NCOA1: variants seen among roughly 807,000 people sequenced by gnomAD.
NCOA1 encodes the protein nuclear receptor coactivator 1, also known as Hin-2 protein.
NCOA1 carries 35 observed loss-of-function variants against 150.9 expected under a neutral mutation model. The observed-to-expected ratio is 0.23, with a 90% CI of 0.18 to 0.31. The LOEUF is 0.31. Ranked by LOEUF, NCOA1 falls within the 10% of genes least tolerant of loss-of-function variation. NCOA1 has a pLI of 1.00. For synonymous variants in NCOA1, 590 were observed against 630.0 expected, an observed-to-expected ratio of 0.94 and a Z score of 0.95; for missense variants, 1,491 against 1,749.3, an observed-to-expected ratio of 0.85 and a Z score of 2.63.
chr2:24,684,214 A>G (rs537230452), intron 8 of NCOA1, among the ~76,000 whole-genome samples: 49 of 152,324 alleles, frequency 3.2e-4, no homozygotes, highest in African/African-American at 1.2e-3. Flanking sequence ...TTTGAGGACT[A>G]CTGGTGTATG....
In NCOA1 at chr2:24,565,229, G is replaced by C. The variant is rs544351302; in HGVS notation, c.-260+799G>C. ...TCAACAGAAAGCAAAAACAAAAATA[G>C]TTCTGTTTTCACATGAATTCCAAAC... On this transcript the variant is annotated intron_variant, in intron 2 of 22. Transcript: ENST00000348332. Among the ~76,000 whole-genome samples the C allele has an allele frequency of 2.6e-5, 4 of 152,302 alleles. No individual in the cohort carries two copies. In the South Asian group the frequency reaches 8.3e-4, roughly 32 times the overall value.
intron 3 of NCOA1, among the ~76,000 whole-genome samples, chr2:24,599,986 C>T (rs1668043701): frequency 6.6e-6 from 1 of 152,168 alleles, no homozygotes; most frequent in Admixed American, 6.5e-5. Context: ...CCGCCTCCGC[C>T]TCCCAAACTG....
chr2:24,586,212 C>G (rs1382536605), intron 3 of NCOA1, among the ~76,000 whole-genome samples: 3 of 139,602 alleles, frequency 2.1e-5, no homozygotes, highest in Admixed American at 8.1e-5. Flanking sequence ...GGAGGCGGAG[C>G]TTGCAAAGAG....
chr2:24,547,769 A>G (rs1665660783), intron 1 of NCOA1, among the ~76,000 whole-genome samples: 2 of 152,132 alleles, frequency 1.3e-5, no homozygotes, highest in South Asian at 4.1e-4. Context: ...TGGGCGGATC[A>G]TGAGCTCAGG....
chr2:24,706,462 T>G, intron 12 of NCOA1, 106 bp from the exon 13 acceptor site: 1 of 1,268,284 alleles, frequency 7.9e-7, no homozygotes. Context: ...CTTGATAGCT[T>G]GCAATATTAA....
intron 1 of NCOA1, among the ~76,000 whole-genome samples, chr2:24,540,138 T>C (rs116708799): frequency 0.021 from 3,228 of 152,108 alleles, 51 homozygotes; most frequent in Non-Finnish European, 0.032. Context: ...TGTAACAGAA[T>C]CCCAAGTACA....
intron 1 of NCOA1, among the ~76,000 whole-genome samples, chr2:24,519,995 G>A (rs1394904585): frequency 1.3e-5 from 2 of 152,130 alleles, no homozygotes; most frequent in Non-Finnish European, 2.9e-5. Flanking sequence ...CACAGATGAT[G>A]GATGAACACA....
At chr2:24,651,603 A>G (rs563578709) in intron 4 of NCOA1, among the ~76,000 whole-genome samples, 13 of 152,222 alleles carry the variant, frequency 8.5e-5, no homozygotes, top group African/African-American at 3.1e-4. Flanking sequence ...ATTTACAATA[A>G]TAATATAACC....
chr2:24,565,103 A>G (rs1336803235), intron 2 of NCOA1, among the ~76,000 whole-genome samples: 1 of 152,244 alleles, frequency 6.6e-6, no homozygotes, highest in East Asian at 1.9e-4. Context: ...CCAGAAAACC[A>G]AGATATTTAA....
intron 1 of NCOA1, among the ~76,000 whole-genome samples, chr2:24,530,248 A>G (rs1383037529): frequency 2.6e-5 from 4 of 152,234 alleles, no homozygotes; most frequent in African/African-American, 9.6e-5. Context: ...TAAGAGCTAG[A>G]GAAGAATCAC....
chr2:24,765,464 A>T (rs945893800), intron 22 of NCOA1, among the ~76,000 whole-genome samples: 1 of 151,190 alleles, frequency 6.6e-6, no homozygotes, highest in Non-Finnish European at 1.5e-5. Flanking sequence ...GTGCCACTGC[A>T]CTCCAGCCTG....
At chr2:24,691,738 G>A in intron 9 of NCOA1, 78 bp downstream of exon 9, 1 of 1,449,366 alleles carries the variant, frequency 6.9e-7, no homozygotes, top group Non-Finnish European at 9.4e-7. Context: ...ATTATAAACT[G>A]CCTTTTTCAG....
intron 15 of NCOA1, 100 bp downstream of exon 15, chr2:24,726,806 T>G: frequency 1.7e-6 from 1 of 580,626 alleles, no homozygotes; most frequent in South Asian, 3.5e-5. Context: ...TGGTATTTTG[T>G]GAGATATTAA....
intron 3 of NCOA1, among the ~76,000 whole-genome samples, chr2:24,633,762 G>A (rs928832675): frequency 2.0e-5 from 3 of 152,170 alleles, no homozygotes; most frequent in Non-Finnish European, 4.4e-5. Flanking sequence ...CAATTATTTT[G>A]GTAAACAGTT....
At chr2:24,585,658 A>G (rs1462811067) in intron 3 of NCOA1, among the ~76,000 whole-genome samples, 2 of 152,146 alleles carry the variant, frequency 1.3e-5, no homozygotes, top group African/African-American at 4.8e-5. Flanking sequence ...TATAAATGAT[A>G]TGTAGAAATC....
At position 24,768,799 on chromosome 2, in the gene NCOA1, G is replaced by A; in HGVS notation, c.*408G>A. 1 of 226,428 alleles carries A rather than the reference G, an allele frequency of 4.4e-6. No individual in the cohort carries two copies. Among genetic ancestry groups the A allele is most frequent in the Non-Finnish European group, 8.8e-6 (1 of 113,632 alleles). The allele number at this position is 226,428 out of a possible 1,614,324, so 14.0% of individuals were successfully genotyped here. A position where few individuals can be genotyped will look rare whatever the true frequency, so the allele number is the denominator to read the frequency against. ...AGTCCCAACCCTGCCCAGGAAGAAG[G>A]GCCCGTGGGGCTTTGCCTGTGCCCG... is the stretch of plus-strand genomic sequence containing the variant. On this transcript the variant is annotated 3_prime_UTR_variant, in exon 23 of 23. Transcript: ENST00000348332.
intron 1 of NCOA1, among the ~76,000 whole-genome samples, chr2:24,515,684 A>T (rs1415141399): frequency 6.6e-6 from 1 of 152,220 alleles, no homozygotes; most frequent in African/African-American, 2.4e-5. Context: ...TTATGAAAAG[A>T]ATATTGGAAC....
chr2:24,729,703 G>C lies in NCOA1; in HGVS notation c.3089G>C (p.Gly1030Ala). The C allele has an allele frequency of 6.2e-7, 1 of 1,614,204 alleles. No individual in the cohort carries two copies. The highest frequency in any genetic ancestry group is 1.3e-5 in the African/African-American group (1 of 75,052). The part of the protein sequence containing the change: ...TMPVQVTPPR[G>A]AFSPGMGMQP... ...CCTGTTCAAGTAACACCTCCCCGAG[G>C]TGCTTTTTCACCTGGCATGGGCATG... is the stretch of plus-strand genomic sequence containing the variant. The change falls in exon 17 of 23, where the codon GGT (glycine) becomes GCT (alanine). Residue 1030 changes from glycine to alanine, a missense_variant. This residue lies in a region of NCOA1 where 485 missense variants were observed against 522.8 expected (regional missense o/e 0.93). Transcript: ENST00000348332.
chr2:24,597,819 T>G (rs1173263070), intron 3 of NCOA1, among the ~76,000 whole-genome samples: 1 of 152,216 alleles, frequency 6.6e-6, no homozygotes, highest in Non-Finnish European at 1.5e-5. Context: ...AGGGCACATG[T>G]GCACAACGTG....
Sources: allele counts gnomAD v4.1 joint callset (sites outside exome capture counted in the v4.1 genomes callset), GRCh38; gene constraint gnomAD v4.1.1; regional missense constraint gnomAD v4.1.1; transcripts MANE v1.5; gene names NCBI Gene and HGNC (gene_info 2026-07-23, HGNC 2026-07-21).